The following PDE7B variants were observed in gnomAD, a reference collection of about 807,000 sequenced individuals.
The protein encoded by PDE7B is 3',5'-cyclic-AMP phosphodiesterase 7B.
A neutral mutation model predicts 56.2 loss-of-function variants in PDE7B; 29 were observed. The ratio of observed to expected loss-of-function variants is 0.52; its 90% CI spans 0.38 to 0.70. The LOEUF is 0.70. Among genes scored for constraint, PDE7B ranks in the 30% least tolerant of loss-of-function variants. PDE7B has a pLI of 0.00. For missense variants in PDE7B, 490 were observed against 565.0 expected, an observed-to-expected ratio of 0.87 and a Z score of 1.35; for synonymous variants, 197 against 196.9, an observed-to-expected ratio of 1.00 and a Z score of 0.00.
intron 1 of PDE7B, among the ~76,000 whole-genome samples, chr6:135,859,844 A>G (rs944846857): frequency 1.3e-4 from 20 of 152,006 alleles, no homozygotes; most frequent in African/African-American, 4.3e-4. Flanking sequence ...AAATACATCT[A>G]TTGGATTAAA....
chr6:136,038,307 G>T (rs761363771), intron 2 of PDE7B: 2 of 1,294,972 alleles, frequency 1.5e-6, no homozygotes, highest in East Asian at 5.4e-5. Context: ...GTGCTAGAGC[G>T]ATATTTCCAC....
intron 8 of PDE7B, among the ~76,000 whole-genome samples, chr6:136,158,236 A>G (rs897515603): frequency 2.6e-5 from 4 of 152,156 alleles, no homozygotes; most frequent in Admixed American, 1.3e-4. Context: ...TTTTCATAGG[A>G]TGTTTGCATG....
intron 1 of PDE7B, among the ~76,000 whole-genome samples, chr6:135,893,148 ATGT>A (rs1396695471): frequency 6.6e-6 from 1 of 151,566 alleles, no homozygotes; most frequent in Admixed American, 6.6e-5. Context: ...TACATGTGCC[ATGT>A]TGGTGTGCTG....
chr6:135,961,866 T>G (rs981608978), intron 2 of PDE7B, among the ~76,000 whole-genome samples: 5 of 152,178 alleles, frequency 3.3e-5, no homozygotes, highest in African/African-American at 1.2e-4. Flanking sequence ...GAGTGAGGGC[T>G]GAATAGGAGG....
At chr6:136,072,041 T>C (rs1167268584) in intron 2 of PDE7B, among the ~76,000 whole-genome samples, 1 of 152,218 alleles carries the variant, frequency 6.6e-6, no homozygotes, top group Non-Finnish European at 1.5e-5. Flanking sequence ...GCACAAAAAC[T>C]AAATATATTT....
chr6:135,890,636 TGAG>T (rs2128190093), intron 1 of PDE7B, among the ~76,000 whole-genome samples: 1 of 152,076 alleles, frequency 6.6e-6, no homozygotes, highest in East Asian at 1.9e-4. Context: ...TCCACCAAAA[TGAG>T]GAGAAGGAGA....
chr6:136,065,596 C>T (rs1365242557), intron 2 of PDE7B, among the ~76,000 whole-genome samples: 1 of 152,136 alleles, frequency 6.6e-6, no homozygotes, highest in Non-Finnish European at 1.5e-5. Flanking sequence ...CTTCCATATA[C>T]CCTGAAGCCA....
At chr6:136,004,543 T>C (rs1218232256) in intron 2 of PDE7B, among the ~76,000 whole-genome samples, 1 of 151,974 alleles carries the variant, frequency 6.6e-6, no homozygotes, top group Non-Finnish European at 1.5e-5. Context: ...ATCACAAGCA[T>C]TCTTATACAC....
At chr6:136,003,659 T>G (rs1333796123) in intron 2 of PDE7B, among the ~76,000 whole-genome samples, 4 of 151,862 alleles carry the variant, frequency 2.6e-5, no homozygotes, top group Admixed American at 1.3e-4. Flanking sequence ...CAGGAAGAGG[T>G]TGAATCTCTG....
At chr6:136,022,902 GA>G (rs1776095102) in intron 2 of PDE7B, among the ~76,000 whole-genome samples, 1 of 152,020 alleles carries the variant, frequency 6.6e-6, no homozygotes, top group Non-Finnish European at 1.5e-5. Context: ...GAGGGTGGGA[GA>G]AACTACAAAG....
chr6:135,852,058 T>G (rs764374902), intron 1 of PDE7B, 39 bp downstream of exon 1: 1 of 1,451,840 alleles, frequency 6.9e-7, no homozygotes, highest in Non-Finnish European at 9.7e-7. Context: ...TCAGTTTTCT[T>G]GAGAGAATAG....
chr6:136,160,056 G>T (rs1453464496), intron 8 of PDE7B, among the ~76,000 whole-genome samples: 1 of 152,156 alleles, frequency 6.6e-6, no homozygotes, highest in Non-Finnish European at 1.5e-5. Context: ...TGCCTTAGAA[G>T]TTGGAAGGGT....
At position 136,057,124 on chromosome 6, in the gene PDE7B, G is replaced by A. The variant is rs534971081; in HGVS notation, c.83-51607G>A. Among the ~76,000 whole-genome samples, 4 of 152,316 alleles carry A rather than the reference G, an allele frequency of 2.6e-5. No homozygotes were observed. The South Asian group carries it at 8.3e-4, about 32-fold the overall frequency. On this transcript the variant is annotated intron_variant, in intron 2 of 12. Transcript: ENST00000308191. ...ATCAGTTAATCCACACAAAGAACTAGCACACTGCTGGTACATAATAAGCTA... is the reference window on the plus strand; with the variant it reads ...ATCAGTTAATCCACACAAAGAACTAACACACTGCTGGTACATAATAAGCTA...
At chr6:135,976,243 T>C (rs1346154408) in intron 2 of PDE7B, among the ~76,000 whole-genome samples, 1 of 152,174 alleles carries the variant, frequency 6.6e-6, no homozygotes, top group Admixed American at 6.5e-5. Context: ...TTACACTCTA[T>C]TCCTCAAGCA....
intron 1 of PDE7B, among the ~76,000 whole-genome samples, chr6:135,882,996 TCTC>T (rs760359505): frequency 6.6e-6 from 1 of 152,160 alleles, no homozygotes; most frequent in Admixed American, 6.6e-5. Flanking sequence ...AAAACACAAA[TCTC>T]CTCTTTTTCA....
chr6:136,134,381 A>G (rs570683266), intron 3 of PDE7B, among the ~76,000 whole-genome samples: 178 of 152,204 alleles, frequency 1.2e-3, no homozygotes, highest in African/African-American at 3.4e-3. Flanking sequence ...CTTAGAATCA[A>G]CTCAAAGTTT....
intron 3 of PDE7B, among the ~76,000 whole-genome samples, chr6:136,139,726 A>G (rs907749622): frequency 6.6e-6 from 1 of 152,140 alleles, no homozygotes; most frequent in African/African-American, 2.4e-5. Context: ...GCCAGTGATG[A>G]CGAGCATTTT....
chr6:136,129,845 G>T (rs1174033733), intron 3 of PDE7B, among the ~76,000 whole-genome samples: 1 of 152,154 alleles, frequency 6.6e-6, no homozygotes, highest in Non-Finnish European at 1.5e-5. Context: ...TTCATTCTGA[G>T]CAATCCAGTG....
At chr6:136,087,089 A>G (rs1777305686) in intron 2 of PDE7B, among the ~76,000 whole-genome samples, 1 of 152,236 alleles carries the variant, frequency 6.6e-6, no homozygotes, top group African/African-American at 2.4e-5. Flanking sequence ...GGTTAGAATG[A>G]GAAAGACAGT....
Sources: allele counts gnomAD v4.1 joint callset (sites outside exome capture counted in the v4.1 genomes callset), GRCh38; gene constraint gnomAD v4.1.1; transcripts MANE v1.5; gene names NCBI Gene and HGNC (gene_info 2026-07-23, HGNC 2026-07-21).